GCKR: variants seen among roughly 807,000 people sequenced by gnomAD.
The protein encoded by GCKR is glucokinase regulator.
In GCKR, 73 loss-of-function variants were observed where a neutral mutation model predicts 82.9. The ratio of observed to expected loss-of-function variants is 0.88; its 90% CI spans 0.73 to 1.07. The LOEUF is 1.07. GCKR is among the 50% of genes least tolerant of loss of function. The pLI, the probability that GCKR is intolerant of heterozygous loss-of-function variation, is 0.00. For missense variants in GCKR, 784 were observed against 782.1 expected (o/e 1.00, Z -0.03); for synonymous variants, 294 against 291.8 (o/e 1.01, Z -0.08).
intron 16 of GCKR, among the ~76,000 whole-genome samples, chr2:27,516,575 G>A (rs1050408390): frequency 4.6e-5 from 7 of 152,236 alleles, no homozygotes; most frequent in East Asian, 1.9e-4. Flanking sequence ...GATTATAGGC[G>A]TGAGCCACTG....
chr2:27,498,375 C>A, intron 4 of GCKR, 52 bp downstream of exon 4: 1 of 1,359,610 alleles, frequency 7.4e-7, no homozygotes. Context: ...GGAGGTGACC[C>A]TCAGGACCAT....
chr2:27,507,112 A>G (rs1669767591), intron 12 of GCKR, 123 bp from the exon 13 acceptor site: 1 of 805,436 alleles, frequency 1.2e-6, no homozygotes, highest in East Asian at 2.4e-5. Flanking sequence ...CACAAGGGCT[A>G]CTCCTCACTC....
intron 8 of GCKR, among the ~76,000 whole-genome samples, chr2:27,502,767 G>C (rs934374614): frequency 4.6e-5 from 7 of 152,202 alleles, no homozygotes; most frequent in African/African-American, 7.2e-5. Flanking sequence ...AACCTTTGCA[G>C]GATGGGATGA....
At chr2:27,505,618 G>T in intron 9 of GCKR, 100 bp from the exon 10 acceptor site, 1 of 741,228 alleles carries the variant, frequency 1.3e-6, no homozygotes, top group Non-Finnish European at 2.5e-6. Context: ...CACACTGGGG[G>T]CCACTGGTAC....
intron 16 of GCKR, among the ~76,000 whole-genome samples, chr2:27,510,368 T>C (rs986410342): frequency 1.3e-5 from 2 of 152,186 alleles, no homozygotes; most frequent in African/African-American, 4.8e-5. Context: ...CATAAATTGT[T>C]TAACTCCGAT....
chr2:27,507,776 T>TCCAG lies in GCKR; in HGVS notation c.1239_1240insCCAG (p.Asp414ProfsTer55). The TCCAG allele has an allele frequency of 6.5e-7, 1 of 1,540,326 alleles. No individual in the cohort carries two copies. Among genetic ancestry groups the TCCAG allele is most frequent in the Non-Finnish European group, 9.0e-7 (1 of 1,112,882 alleles). The stretch of plus-strand genomic sequence containing the variant: ...CTGTGGTCTTCATTTTCACCCTGGA[T>TCCAG]GGTGAGAGGGAAGATGGGAGTGGTG... On this transcript the variant is annotated frameshift_variant and splice_region_variant, in exon 14 of 19. Transcript: ENST00000264717. LOFTEE classifies it high-confidence loss of function.
chr2:27,517,152 T>C (rs1438864095), intron 16 of GCKR, among the ~76,000 whole-genome samples: 1 of 151,920 alleles, frequency 6.6e-6, no homozygotes, highest in African/African-American at 2.4e-5. Context: ...AGCTCTGACT[T>C]ACAGGTGCTT....
Position 27,498,303 on chromosome 2 carries a change from C to T in GCKR, c.334C>T (p.Arg112Trp), listed in dbSNP as rs1473736491. 7.4e-6 allele frequency: 12 copies of T among 1,613,322 alleles called. No homozygotes were observed. The highest frequency in any genetic ancestry group is 5.0e-5 in the Admixed American group (3 of 59,990). ...GCTGAGTGGAGGGGGCACCTCTGGCCGGATGGCATTCCTCATGTCGGTGAG... is the reference window on the plus strand; with the variant it reads ...GCTGAGTGGAGGGGGCACCTCTGGCTGGATGGCATTCCTCATGTCGGTGAG... ...VVLSGGGTSG[R>W]MAFLMSVSFN... The change falls in exon 4 of 19, where the codon CGG becomes TGG. Residue 112 changes from arginine to tryptophan, a missense_variant. Coordinates refer to ENST00000264717, the MANE Select transcript of GCKR (RefSeq NM_001486.4).
chr2:27,498,427 G>C (rs1036955250), intron 4 of GCKR, 104 bp downstream of exon 4: 1 of 843,070 alleles, frequency 1.2e-6, no homozygotes, highest in Non-Finnish European at 2.0e-6. Flanking sequence ...CCCCTCACTA[G>C]ACCTGGACTC....
intron 11 of GCKR, 67 bp downstream of exon 11, chr2:27,506,646 C>T: frequency 3.3e-6 from 4 of 1,220,248 alleles, no homozygotes; most frequent in Non-Finnish European, 4.9e-6. Context: ...CAGGGAGACT[C>T]TGTGAGACAT....
intron 8 of GCKR, among the ~76,000 whole-genome samples, chr2:27,502,187 C>T (rs969460250): frequency 2.6e-5 from 4 of 152,112 alleles, no homozygotes; most frequent in Non-Finnish European, 2.9e-5. Context: ...AGATTCTAGG[C>T]GGTAGTATAA....
intron 10 of GCKR, 122 bp downstream of exon 10, chr2:27,505,958 C>A: frequency 1.3e-6 from 1 of 753,110 alleles, no homozygotes. Context: ...GCCCACCACG[C>A]CTCCCCTGGG....
chr2:27,497,140 G>A (rs542756308), intron 1 of GCKR, 104 bp from the exon 2 acceptor site: 3 of 1,370,478 alleles, frequency 2.2e-6, no homozygotes, highest in East Asian at 4.6e-5. Flanking sequence ...GTGTGCGTGT[G>A]TGTAAGTCCA....
At position 27,507,789 on chromosome 2, in the gene GCKR, G is replaced by C. The variant is rs764825828; in HGVS notation, c.1240+12G>C. ...TTTCACCCTGGATGGTGAGAGGGAA[G>C]ATGGGAGTGGTGAGGGGTGGGGAGG... On this transcript the variant is annotated intron_variant, in intron 14 of 18. Coordinates refer to ENST00000264717, the MANE Select transcript of GCKR (RefSeq NM_001486.4). 4.1e-6 allele frequency: 6 copies of C among 1,472,770 alleles called. No individual in the cohort carries two copies. Among genetic ancestry groups the C allele is most frequent in the Non-Finnish European group, 4.8e-6 (5 of 1,051,038 alleles). The allele number at this position is 1,472,770 out of a possible 1,614,324, so 91.2% of individuals were successfully genotyped here. A position where few individuals can be genotyped will look rare whatever the true frequency, so the allele number is the denominator to read the frequency against.
intron 17 of GCKR, 30 bp from the exon 18 acceptor site, chr2:27,522,430 C>T: frequency 6.2e-7 from 1 of 1,612,978 alleles, no homozygotes; most frequent in South Asian, 1.1e-5. Flanking sequence ...GGCCTTTAGC[C>T]TGACACTGAT....
At position 27,503,574 on chromosome 2, in the gene GCKR, A is replaced by AATGC. The variant is rs1355255797; in HGVS notation, c.707_710dup (p.Gln237HisfsTer44). 6.2e-7 allele frequency: 1 copy of AATGC among 1,611,490 alleles called. No homozygotes were observed. The highest frequency in any genetic ancestry group is 1.7e-5 in the Admixed American group (1 of 60,016). On this transcript the variant is annotated frameshift_variant, in exon 9 of 19. Coordinates refer to ENST00000264717, the MANE Select transcript of GCKR (RefSeq NM_001486.4). LOFTEE classifies it high-confidence loss of function. ...GACAAGTAGCAGAGCGGATGCAGAAAATGCAGGAGAAACAGAAAGCTTTTG... is the reference window on the plus strand; with the variant it reads ...GACAAGTAGCAGAGCGGATGCAGAAAATGCATGCAGGAGAAACAGAAAGCTTTTG...
intron 7 of GCKR, among the ~76,000 whole-genome samples, chr2:27,500,159 T>C (rs1669540946): frequency 6.7e-6 from 1 of 149,510 alleles, no homozygotes; most frequent in African/African-American, 2.5e-5. Context: ...GGCATAATCT[T>C]GGCTAACTGC....
intron 17 of GCKR, among the ~76,000 whole-genome samples, chr2:27,519,993 C>A (rs8179240): frequency 1.5e-4 from 23 of 151,186 alleles, no homozygotes; most frequent in Non-Finnish European, 2.6e-4. Flanking sequence ...AAAATGGGGT[C>A]GCCAGATTCG....
Position 27,497,314 on chromosome 2 carries a change from C to A in GCKR, c.131C>A (p.Ala44Glu). Reference sequence around the variant, plus strand: ...CCACTGACCCAGGATCTAGACAAAGCAGATGCTGAGAACATTGTTCGACTG... The same window carrying A: ...CCACTGACCCAGGATCTAGACAAAGAAGATGCTGAGAACATTGTTCGACTG... ...SNPLTQDLDK[A>E]DAENIVRLLG... Residue 44 changes from alanine (A) to glutamate (E), a missense_variant, in exon 2 of 19, where the codon GCA (alanine) becomes GAA (glutamate). Coordinates refer to ENST00000264717, the MANE Select transcript of GCKR (RefSeq NM_001486.4). The A allele has an allele frequency of 6.2e-7, 1 of 1,614,006 alleles. No individual in the cohort carries two copies. Among genetic ancestry groups the A allele is most frequent in the Non-Finnish European group, 8.5e-7 (1 of 1,179,862 alleles).
Sources: gnomAD v4.1 joint callset for allele counts (sites outside exome capture counted in the v4.1 genomes callset) on GRCh38, gnomAD v4.1.1 for gene constraint, MANE v1.5 for transcripts, NCBI Gene and HGNC (gene_info 2026-07-23, HGNC 2026-07-21) for gene names.